CELF2: variants seen among roughly 807,000 people sequenced by gnomAD.
CELF2 encodes CUG triplet repeat RNA-binding protein 2.
Under a neutral mutation model 62.6 loss-of-function variants are expected in CELF2, and 8 were observed. That is an observed-to-expected ratio of 0.13 (90% CI 0.07 to 0.23). CELF2 has a LOEUF of 0.23. CELF2 is among the 10% of genes least tolerant of loss of function. CELF2 has a pLI of 1.00. For synonymous variants in CELF2, 258 were observed against 250.0 expected (o/e 1.03, Z -0.30); for missense variants, 333 against 671.0 (o/e 0.50, Z 5.56).
chr10:11,162,561 C>T (rs1269674548), intron 1 of CELF2, among the ~76,000 whole-genome samples: 1 of 145,598 alleles, frequency 6.9e-6, no homozygotes, highest in Non-Finnish European at 1.5e-5. Flanking sequence ...TGGAGACACA[C>T]TATGTGACTG....
chr10:10,751,756 T>A, the CELF2 span, among the ~76,000 whole-genome samples: 1 of 152,226 alleles, frequency 6.6e-6, no homozygotes, highest in African/African-American at 2.4e-5. Flanking sequence ...AAAATAAGAT[T>A]AATATTATGA....
chr10:11,039,443 C>T lies in CELF2; in HGVS notation c.74+21280C>T, dbSNP rs946190068. Among the ~76,000 whole-genome samples, 2 of 152,124 alleles carry T rather than the reference C, an allele frequency of 1.3e-5. No individual in the cohort carries two copies. The highest frequency in any genetic ancestry group is 2.9e-5 in the Non-Finnish European group (2 of 68,004). On this transcript the variant is annotated intron_variant, in intron 1 of 12. Coordinates refer to ENST00000633077, the MANE Select transcript of CELF2 (RefSeq NM_001326342.2). The surrounding 1 kb of genome is among the most constrained non-coding windows in gnomAD (Gnocchi z 4.1). Reference sequence around the variant, plus strand: ...CTTATGCTGGTTGTGTGAATTATACCATTAGGGTGGTGAGCTATGTAGTCA... The same window carrying T: ...CTTATGCTGGTTGTGTGAATTATACTATTAGGGTGGTGAGCTATGTAGTCA...
intron 2 of CELF2, among the ~76,000 whole-genome samples, chr10:10,989,802 A>T (rs1409972081): frequency 6.6e-6 from 1 of 152,136 alleles, no homozygotes; most frequent in Non-Finnish European, 1.5e-5. Flanking sequence ...ACTTGATTAA[A>T]AAAACAGTTT....
intron 2 of CELF2, among the ~76,000 whole-genome samples, chr10:11,170,646 T>A (rs960133662): frequency 1.3e-5 from 2 of 152,072 alleles, no homozygotes; most frequent in Non-Finnish European, 2.9e-5. Context: ...AAGCCGGCAA[T>A]GCTGAAAGAC....
At chr10:11,113,561 C>G (rs2055777674) in intron 1 of CELF2, among the ~76,000 whole-genome samples, 1 of 152,174 alleles carries the variant, frequency 6.6e-6, no homozygotes, top group African/African-American at 2.4e-5. Flanking sequence ...GAGAGAAGGT[C>G]TTCTATGTTT....
At chr10:10,852,929 A>G (rs1278735768) in intron 1 of CELF2, among the ~76,000 whole-genome samples, 1 of 152,176 alleles carries the variant, frequency 6.6e-6, no homozygotes, top group East Asian at 1.9e-4. Flanking sequence ...TTAACATTCA[A>G]TTTCCTTGAG....
the CELF2 span, among the ~76,000 whole-genome samples, chr10:10,616,531 A>C: frequency 6.6e-6 from 1 of 152,012 alleles, no homozygotes. Context: ...ATGGGATTCT[A>C]TAGAAATCGT....
At chr10:10,760,443 T>C in the CELF2 span, among the ~76,000 whole-genome samples, 3 of 152,232 alleles carry the variant, frequency 2.0e-5, no homozygotes, top group Non-Finnish European at 4.4e-5. Flanking sequence ...TTGATTGCAT[T>C]CATTCATTTA....
In CELF2 at chr10:11,333,012, T is replaced by A. The variant is rs2096057919; in HGVS notation, c.*3959T>A. The A allele has an allele frequency of 6.6e-6, 1 of 152,560 alleles. No individual in the cohort carries two copies. Among genetic ancestry groups the A allele is most frequent in the Admixed American group, 6.5e-5 (1 of 15,280 alleles). The allele number at this position is 152,560 out of a possible 1,614,324, so 9.5% of individuals were successfully genotyped here. ...TTGAATTTCTAAGACCATTTCATTC[T>A]GAAACTTCTTATCAATTACCTAAAT... On this transcript the variant is annotated 3_prime_UTR_variant, in exon 13 of 13. Coordinates refer to ENST00000633077, the MANE Select transcript of CELF2 (RefSeq NM_001326342.2).
At chr10:11,042,251 C>A (rs889002806) in intron 1 of CELF2, among the ~76,000 whole-genome samples, 12 of 152,168 alleles carry the variant, frequency 7.9e-5, no homozygotes, top group Non-Finnish European at 1.3e-4. Context: ...CTTTTTAAAG[C>A]CTGGCAGCAC....
intron 2 of CELF2, among the ~76,000 whole-genome samples, chr10:11,197,205 T>TTTACACGGAAAA (rs2058191744): frequency 6.6e-6 from 1 of 152,038 alleles, no homozygotes; most frequent in African/African-American, 2.4e-5. Flanking sequence ...AATCTCTGGT[T>TTTACACGGAAAA]GAACGTGGTC....
Position 11,270,990 on chromosome 10 carries a change from T to C in CELF2, c.777+166T>C, listed in dbSNP as rs1452164645. 6.6e-6 allele frequency among the ~76,000 whole-genome samples: 1 copy of C among 152,238 alleles called. No individual in the cohort carries two copies. Among genetic ancestry groups the C allele is most frequent in the Non-Finnish European group, 1.5e-5 (1 of 68,038 alleles). ...TTTTTCCAAGTTAGATTGATTCTGT[T>C]AAGAACAGGACTAATTGAATTCCTG... On this transcript the variant is annotated intron_variant, in intron 7 of 12. Coordinates refer to ENST00000633077, the MANE Select transcript of CELF2 (RefSeq NM_001326342.2). This position sits in a 1 kb window ranked among gnomAD's most constrained non-coding sequence, Gnocchi z 5.8.
chr10:10,649,655 A>T, the CELF2 span, among the ~76,000 whole-genome samples: 5 of 152,332 alleles, frequency 3.3e-5, no homozygotes, highest in South Asian at 6.2e-4. Flanking sequence ...TTGGATCTGG[A>T]GTGATTCAAT....
chr10:11,239,563 G>C (rs1403355887), intron 3 of CELF2, among the ~76,000 whole-genome samples: 6 of 152,224 alleles, frequency 3.9e-5, no homozygotes, highest in African/African-American at 1.4e-4. Flanking sequence ...TGTGCCATCA[G>C]TGTTTTAAGT....
At chr10:10,495,990 G>A in the CELF2 span, among the ~76,000 whole-genome samples, 3 of 152,202 alleles carry the variant, frequency 2.0e-5, no homozygotes, top group Non-Finnish European at 4.4e-5. Flanking sequence ...TATAATGTAA[G>A]TAGTAGCATT....
the CELF2 span, among the ~76,000 whole-genome samples, chr10:10,771,541 T>C: frequency 6.6e-6 from 1 of 152,214 alleles, no homozygotes; most frequent in East Asian, 1.9e-4. Context: ...CTATGTATTG[T>C]GGGAGGGACC....
the CELF2 span, among the ~76,000 whole-genome samples, chr10:10,534,155 G>A: frequency 6.7e-6 from 1 of 149,422 alleles, no homozygotes; most frequent in African/African-American, 2.5e-5. Context: ...TGACTCTTCA[G>A]GAACATTCTC....
chr10:11,066,239 A>AT (rs1236924662), intron 1 of CELF2, among the ~76,000 whole-genome samples: 11 of 151,284 alleles, frequency 7.3e-5, no homozygotes, highest in Middle Eastern at 3.4e-3. Flanking sequence ...GATAACTACT[A>AT]TTTTTTTTTC....
chr10:11,125,263 G>A (rs2058482043), intron 1 of CELF2, among the ~76,000 whole-genome samples: 1 of 152,180 alleles, frequency 6.6e-6, no homozygotes, highest in Non-Finnish European at 1.5e-5. Context: ...CCAGGGCTCA[G>A]GGAGTGAAAG....
Sources: allele counts gnomAD v4.1 joint callset (sites outside exome capture counted in the v4.1 genomes callset), GRCh38; gene constraint gnomAD v4.1.1; non-coding constraint Gnocchi (gnomAD v3.1); transcripts MANE v1.5; gene names NCBI Gene and HGNC (gene_info 2026-07-23, HGNC 2026-07-21).